Variants in RTN1 observed in about 807,000 individuals in gnomAD.
RTN1 encodes the protein reticulon 1.
RTN1 carries 25 observed loss-of-function variants against 65.5 expected under a neutral mutation model. The observed-to-expected ratio is 0.38, with a 90% CI of 0.28 to 0.53. The LOEUF is 0.53. RTN1 is among the 20% of genes least tolerant of loss of function. RTN1 has a pLI of 0.79. For synonymous variants in RTN1, 471 were observed against 447.6 expected (o/e 1.05, Z -0.66); for missense variants, 983 against 1,025.4 (o/e 0.96, Z 0.57).
At chr14:59,668,736 A>G (rs151224353) in intron 3 of RTN1, among the ~76,000 whole-genome samples, 5 of 152,294 alleles carry the variant, frequency 3.3e-5, no homozygotes, top group African/African-American at 1.2e-4. Flanking sequence ...GAATCTACAA[A>G]GAATTCAAAC....
chr14:59,791,512 G>A (rs747031865), intron 1 of RTN1, among the ~76,000 whole-genome samples: 1 of 152,090 alleles, frequency 6.6e-6, no homozygotes, highest in East Asian at 1.9e-4. Flanking sequence ...CCCAGCTCAG[G>A]GTAAAACCAA....
intron 3 of RTN1, among the ~76,000 whole-genome samples, chr14:59,701,962 G>T (rs927298564): frequency 6.6e-6 from 1 of 152,054 alleles, no homozygotes. Flanking sequence ...TACTGAATTG[G>T]AGTAAATGTT....
Position 59,741,306 on chromosome 14 carries a change from A to T in RTN1, c.1015+4402T>A, listed in dbSNP as rs139136109. ...CATGACTTGCTCCCTCACTCCATTC[A>T]GTCTCTGCTCAAGCTGTTACCTCGA... On this transcript the variant is annotated intron_variant, in intron 2 of 8. Coordinates refer to ENST00000267484, the MANE Select transcript of RTN1 (RefSeq NM_021136.3). Among the ~76,000 whole-genome samples the T allele has an allele frequency of 2.1e-3, 325 of 152,244 alleles. 1 individual carries two copies. The highest frequency in any genetic ancestry group is 4.1e-3 in the Admixed American group (63 of 15,296).
At chr14:59,749,420 C>CTA (rs373753805) in intron 1 of RTN1, among the ~76,000 whole-genome samples, 2,824 of 34,852 alleles carry the variant, frequency 0.081, 863 homozygotes, top group African/African-American at 0.36. Context: ...CTATATATAT[C>CTA]TATATATCTA....
chr14:59,751,335 T>G (rs1411443841), intron 1 of RTN1, among the ~76,000 whole-genome samples: 1 of 151,318 alleles, frequency 6.6e-6, no homozygotes, highest in Non-Finnish European at 1.5e-5. Flanking sequence ...AACTATTAAA[T>G]TTAAATCCAT....
intron 3 of RTN1, among the ~76,000 whole-genome samples, chr14:59,623,020 T>C (rs1270257345): frequency 1.3e-5 from 2 of 152,206 alleles, no homozygotes; most frequent in South Asian, 2.1e-4. Flanking sequence ...TTTCTATAGA[T>C]AGTAAAAGAG....
At chr14:59,663,942 T>C (rs1283519358) in intron 3 of RTN1, among the ~76,000 whole-genome samples, 1 of 152,160 alleles carries the variant, frequency 6.6e-6, no homozygotes, top group Non-Finnish European at 1.5e-5. Context: ...AGAAACATCA[T>C]TTGACCCAGC....
At chr14:59,704,801 G>A (rs911723003) in intron 3 of RTN1, among the ~76,000 whole-genome samples, 4 of 152,092 alleles carry the variant, frequency 2.6e-5, no homozygotes, top group Non-Finnish European at 4.4e-5. Context: ...ACTGTGATCA[G>A]GAAGAAAACC....
At chr14:59,612,587 G>T (rs1881987099) in intron 3 of RTN1, among the ~76,000 whole-genome samples, 1 of 152,180 alleles carries the variant, frequency 6.6e-6, no homozygotes, top group African/African-American at 2.4e-5. Flanking sequence ...AGGGGGTATT[G>T]CAGGATAGAA....
chr14:59,838,977 C>T (rs1220253340), intron 1 of RTN1, among the ~76,000 whole-genome samples: 1 of 152,122 alleles, frequency 6.6e-6, no homozygotes, highest in Non-Finnish European at 1.5e-5. Flanking sequence ...TCTGCTGACT[C>T]TCCAGTATAG....
rs534155158 is a variant in RTN1 at position 59,870,201 on chromosome 14, T to C, written c.241+189A>G. On this transcript the variant is annotated intron_variant, in intron 1 of 8. Transcript: ENST00000267484. This position sits in a 1 kb window ranked among gnomAD's most constrained non-coding sequence, Gnocchi z 5.1. ...AGCATCTTGACTTTTTCTGAGCCTT[T>C]GGGAAAAATAAAATTGTTGTTTTCT... Among the ~76,000 whole-genome samples, 71 of 152,324 alleles carry C rather than the reference T, an allele frequency of 4.7e-4. No individual in the cohort carries two copies. Among genetic ancestry groups the C allele is most frequent in the African/African-American group, 1.5e-3 (64 of 41,578 alleles).
chr14:59,616,798 T>C (rs1412566984), intron 3 of RTN1, among the ~76,000 whole-genome samples: 2 of 152,172 alleles, frequency 1.3e-5, no homozygotes, highest in Non-Finnish European at 2.9e-5. Flanking sequence ...ACTTTAAAAA[T>C]TGTGCTATTG....
chr14:59,652,135 T>C (rs553527970), intron 3 of RTN1, among the ~76,000 whole-genome samples: 1 of 152,182 alleles, frequency 6.6e-6, no homozygotes, highest in South Asian at 2.1e-4. Flanking sequence ...GGAGATACCA[T>C]CCCACACCAG....
Position 59,819,411 on chromosome 14 carries a change from A to ACC in RTN1, c.241+50977_241+50978dup, listed in dbSNP as rs1566737447. On this transcript the variant is annotated intron_variant, in intron 1 of 8. Transcript: ENST00000267484. ...AGCTGATTGGTGCATCCACACCACC[A>ACC]CCACCCCCCCCCCACCCCCCACCCC... Among the ~76,000 whole-genome samples, 30 of 12,712 alleles carry ACC rather than the reference A, an allele frequency of 2.4e-3. 6 individuals carry two copies. Among genetic ancestry groups the ACC allele is most frequent in the Non-Finnish European group, 3.0e-3 (21 of 7,020 alleles). 8.3% of individuals were successfully genotyped at this position (12,712 alleles called of 152,430 possible). A position where few individuals can be genotyped will look rare whatever the true frequency, so the allele number is the denominator to read the frequency against.
At chr14:59,678,064 G>A (rs1165096463) in intron 3 of RTN1, among the ~76,000 whole-genome samples, 1 of 152,100 alleles carries the variant, frequency 6.6e-6, no homozygotes, top group East Asian at 1.9e-4. Flanking sequence ...TGACTACCAC[G>A]CTGTGGCCTG....
intron 2 of RTN1, among the ~76,000 whole-genome samples, chr14:59,742,208 A>G (rs1390754679): frequency 6.6e-6 from 1 of 152,172 alleles, no homozygotes; most frequent in Admixed American, 6.5e-5. Context: ...ATTTACTTTT[A>G]ATTGCTCATT....
At chr14:59,748,385 C>T (rs1193129002) in intron 1 of RTN1, among the ~76,000 whole-genome samples, 7 of 151,928 alleles carry the variant, frequency 4.6e-5, no homozygotes, top group African/African-American at 9.7e-5. Flanking sequence ...CGGCTTTGCA[C>T]TAGCTGTTTC....
intron 1 of RTN1, among the ~76,000 whole-genome samples, chr14:59,861,693 C>G (rs1026713723): frequency 1.3e-5 from 2 of 152,206 alleles, no homozygotes; most frequent in Non-Finnish European, 2.9e-5. Context: ...AAATCTACTT[C>G]TCCACATCAC....
At chr14:59,631,934 C>T (rs1334938345) in intron 3 of RTN1, among the ~76,000 whole-genome samples, 5 of 152,146 alleles carry the variant, frequency 3.3e-5, no homozygotes, top group Admixed American at 2.0e-4. Context: ...TCTACAGTTG[C>T]CAGAGGTGTT....
Sources: gnomAD v4.1 joint callset for allele counts (sites outside exome capture counted in the v4.1 genomes callset) on GRCh38, gnomAD v4.1.1 for gene constraint, Gnocchi (gnomAD v3.1) non-coding constraint, MANE v1.5 for transcripts, NCBI Gene and HGNC (gene_info 2026-07-23, HGNC 2026-07-21) for gene names.